The following RAB7A variants were observed in gnomAD, a reference collection of about 807,000 sequenced individuals.
RAB7A encodes the protein RAB7A, member RAS oncogene family.
In RAB7A, 2 loss-of-function variants were observed where a neutral mutation model predicts 24.5. The ratio of observed to expected loss-of-function variants is 0.08; its 90% CI spans 0.03 to 0.26. The LOEUF is 0.26. Among genes scored for constraint, RAB7A ranks in the 10% least tolerant of loss-of-function variants. The probability of loss-of-function intolerance (pLI) is 1.00; values close to 1 mark genes in which losing one functional copy is unlikely to be tolerated. For synonymous variants in RAB7A, 100 were observed against 95.9 expected, an observed-to-expected ratio of 1.04 and a Z score of -0.25; for missense variants, 118 against 255.7, an observed-to-expected ratio of 0.46 and a Z score of 3.67.
intron 1 of RAB7A, among the ~76,000 whole-genome samples, chr3:128,758,274 G>GTTTTTTTT (rs35360318): frequency 4.7e-5 from 6 of 126,722 alleles, no homozygotes; most frequent in Non-Finnish European, 3.3e-5. Flanking sequence ...TTGTTTTTTT[G>GTTTTTTTT]TTTTTTTTTT....
At chr3:128,756,832 A>G (rs1487742205) in intron 1 of RAB7A, among the ~76,000 whole-genome samples, 1 of 150,658 alleles carries the variant, frequency 6.6e-6, no homozygotes, top group Admixed American at 6.6e-5. Context: ...TTTTCACCTT[A>G]GTATTCGCTA....
intron 2 of RAB7A, among the ~76,000 whole-genome samples, chr3:128,796,444 C>T (rs1325778995): frequency 6.6e-6 from 1 of 152,086 alleles, no homozygotes; most frequent in African/African-American, 2.4e-5. Context: ...AGAGCAAGAC[C>T]CCAACTCTTA....
chr3:128,756,781 A>T (rs2070732622), intron 1 of RAB7A, among the ~76,000 whole-genome samples: 2 of 152,124 alleles, frequency 1.3e-5, no homozygotes, highest in Admixed American at 6.5e-5. Flanking sequence ...CAATGAAAAC[A>T]GTGTGGTAAT....
chr3:128,761,225 G>A (rs188288109), intron 1 of RAB7A, among the ~76,000 whole-genome samples: 13 of 152,156 alleles, frequency 8.5e-5, no homozygotes, highest in African/African-American at 3.1e-4. Context: ...TTTGGGAAGC[G>A]TTCTTAAAGC....
intron 3 of RAB7A, among the ~76,000 whole-genome samples, chr3:128,805,504 G>A (rs961335701): frequency 2.6e-5 from 4 of 152,100 alleles, no homozygotes; most frequent in Non-Finnish European, 2.9e-5. Flanking sequence ...AGAGCTGGGC[G>A]GTAGTACCTG....
chr3:128,767,948 A>T (rs2070847779), intron 1 of RAB7A, among the ~76,000 whole-genome samples: 1 of 152,202 alleles, frequency 6.6e-6, no homozygotes, highest in Non-Finnish European at 1.5e-5. Context: ...GTTTTGACAT[A>T]CATATGTATC....
chr3:128,795,119 A>C (rs1379068684), intron 1 of RAB7A: 2 of 562,248 alleles, frequency 3.6e-6, no homozygotes, highest in African/African-American at 3.8e-5. Flanking sequence ...GAGAGAATAC[A>C]TTCTCTCCAA....
rs1576273060 is a variant in RAB7A at position 128,745,270 on chromosome 3, G to A, written c.-9+18911G>A. 3.3e-5 allele frequency among the ~76,000 whole-genome samples: 5 copies of A among 152,310 alleles called. No individual in the cohort carries two copies. In the Middle Eastern group the frequency reaches 0.014, roughly 414 times the overall value. On this transcript the variant is annotated intron_variant, in intron 1 of 5. Transcript: ENST00000265062. ...GTATGCACTGCCCCAATTCTGCAGG[G>A]AGGGTGCAAAACAGCAAAATTAGAT...
At chr3:128,812,601 CA>C (rs951531955) in intron 5 of RAB7A, among the ~76,000 whole-genome samples, 3 of 152,166 alleles carry the variant, frequency 2.0e-5, no homozygotes, top group Admixed American at 6.5e-5. Flanking sequence ...TTCCTGCACC[CA>C]AAAGTAGAAT....
intron 1 of RAB7A, among the ~76,000 whole-genome samples, chr3:128,730,188 A>G (rs1249778307): frequency 6.7e-6 from 1 of 149,590 alleles, no homozygotes; most frequent in Non-Finnish European, 1.5e-5. Context: ...TTTTCCCCAC[A>G]CTCCATATGG....
At chr3:128,748,830 C>T (rs1212057724) in intron 1 of RAB7A, 1 of 152,134 alleles carries the variant, frequency 6.6e-6, no homozygotes, top group African/African-American at 2.4e-5. Context: ...TTGTAATTCC[C>T]GTAACATATC....
chr3:128,809,628 G>A (rs1933875881), intron 5 of RAB7A, among the ~76,000 whole-genome samples: 1 of 152,188 alleles, frequency 6.6e-6, no homozygotes. Flanking sequence ...GTCATTTTAA[G>A]TTTCTATGTT....
chr3:128,765,212 ATGTCTC>A, intron 1 of RAB7A, among the ~76,000 whole-genome samples: 1 of 152,122 alleles, frequency 6.6e-6, no homozygotes, highest in Admixed American at 6.5e-5. Context: ...TCGGCGAAGA[ATGTCTC>A]TGCTACCCAC....
intron 1 of RAB7A, among the ~76,000 whole-genome samples, chr3:128,739,869 C>T (rs2070532134): frequency 6.6e-6 from 1 of 151,976 alleles, no homozygotes; most frequent in Non-Finnish European, 1.5e-5. Context: ...CAGTTGAAGA[C>T]CAGCGTGACC....
chr3:128,747,650 C>T (rs960510867), intron 1 of RAB7A, among the ~76,000 whole-genome samples: 2 of 151,682 alleles, frequency 1.3e-5, no homozygotes, highest in African/African-American at 4.9e-5. Flanking sequence ...CTCAGCCACC[C>T]CACATACTTG....
At chr3:128,748,921 C>T (rs2070648456) in intron 1 of RAB7A, 1 of 152,094 alleles carries the variant, frequency 6.6e-6, no homozygotes, top group African/African-American at 2.4e-5. Flanking sequence ...TCCCAGGCTC[C>T]ACAAATCCAC....
At chr3:128,760,116 G>A (rs1488010060) in intron 1 of RAB7A, among the ~76,000 whole-genome samples, 2 of 152,174 alleles carry the variant, frequency 1.3e-5, no homozygotes, top group African/African-American at 4.8e-5. Flanking sequence ...GAGATTTGGT[G>A]GACTGAGTGA....
chr3:128,807,391 TCTGCAGGTCTC>T (rs1933827382), intron 4 of RAB7A, 141 bp from the exon 5 acceptor site: 4 of 1,119,916 alleles, frequency 3.6e-6, no homozygotes, highest in Non-Finnish European at 5.3e-6. Context: ...TTTGGACGGG[TCTGCAGGTCTC>T]CTCCAACACC....
At chr3:128,778,249 G>A (rs9875958) in intron 1 of RAB7A, among the ~76,000 whole-genome samples, 33,013 of 152,094 alleles carry the variant, frequency 0.22, 5,118 homozygotes, top group African/African-American at 0.43. Context: ...AATAGCCACC[G>A]GTGGCTAGTA....
Sources: gnomAD v4.1 joint callset for allele counts (sites outside exome capture counted in the v4.1 genomes callset) on GRCh38, gnomAD v4.1.1 for gene constraint, MANE v1.5 for transcripts, NCBI Gene and HGNC (gene_info 2026-07-23, HGNC 2026-07-21) for gene names.